Variants in LILRB1 observed in about 807,000 individuals in gnomAD.
LILRB1 encodes leukocyte immunoglobulin like receptor B1, also known as leukocyte immunoglobulin-like receptor subfamily B member 1.
Under a neutral mutation model 74.6 loss-of-function variants are expected in LILRB1, and 59 were observed. The ratio of observed to expected loss-of-function variants is 0.79; its 90% CI spans 0.64 to 0.98. The LOEUF is 0.98. Ranked by LOEUF, LILRB1 falls within the 50% of genes least tolerant of loss-of-function variation. The pLI is 0.00. For synonymous variants in LILRB1, 328 were observed against 333.9 expected (o/e 0.98, Z 0.19); for missense variants, 804 against 822.6 (o/e 0.98, Z 0.28).
rs569095555 is a variant in LILRB1, at chr19:54,620,885, T to C, written c.-166+3536T>C. 3.9e-5 allele frequency among the ~76,000 whole-genome samples: 6 copies of C among 152,276 alleles called. No homozygotes were observed. In the East Asian group the frequency reaches 1.2e-3, roughly 29 times the overall value. On this transcript the variant is annotated intron_variant, in intron 1 of 15. Transcript: ENST00000396331. ...TCTTATTTATTTATTTATTTTTTAT[T>C]TTTTGAGATGGAGTTTCATTCTTGT...
chr19:54,633,244 G>A lies in LILRB1; in HGVS notation c.1187G>A (p.Arg396Lys), dbSNP rs112550263. The A allele has an allele frequency of 7.4e-6, 12 of 1,614,130 alleles. No homozygotes were observed. The highest frequency in any genetic ancestry group is 4.0e-5 in the African/African-American group (3 of 75,032). The change falls in exon 7 of 15, where the codon AGG becomes AAG. Residue 396 changes from arginine to lysine, a missense_variant. Transcript: ENST00000324602. ...PVTSAHAGTY[R>K]CYGSQSSKPY... is the part of the protein sequence containing the mutation. ...ACCTCAGCCCATGCGGGGACCTACA[G>A]GTGCTACGGCTCACAGAGCTCCAAA...
rs201049465 is a variant in LILRB1 at position 54,632,613 on chromosome 19, G to A, written c.811G>A (p.Ala271Thr). 377 of 1,613,104 alleles carry A rather than the reference G, an allele frequency of 2.3e-4. No individual in the cohort carries two copies. Among genetic ancestry groups the A allele is most frequent in the Non-Finnish European group, 2.8e-4 (334 of 1,179,796 alleles). The change falls in exon 6 of 15, where the codon GCA (alanine) becomes ACA (threonine). Residue 271 changes from alanine (A) to threonine (T), a missense_variant. By Grantham distance (58) the Ala-to-Thr change is moderately conservative. Coordinates refer to ENST00000324602, the MANE Select transcript of LILRB1 (RefSeq NM_001081637.3). ...GERDFLQLAG[A>T]QPQAGLSQAN... is the part of the protein sequence containing the mutation. The stretch of plus-strand genomic sequence containing the variant: ...ACGTGACTTCCTTCAGCTCGCTGGC[G>A]CACAGCCCCAGGCTGGGCTCTCCCA...
At chr19:54,618,108 A>AAAAAAAAAG (rs2063358605) in intron 1 of LILRB1, among the ~76,000 whole-genome samples, 1 of 149,462 alleles carries the variant, frequency 6.7e-6, no homozygotes, top group East Asian at 1.9e-4. Context: ...CTCAAAAAAA[A>AAAAAAAAAG]AAAAAAAGAA....
intron 13 of LILRB1, chr19:54,636,053 T>C (rs35869117): frequency 2.3e-4 from 100 of 438,546 alleles, no homozygotes; most frequent in Admixed American, 6.0e-4. Flanking sequence ...CAAATAAATG[T>C]GCCGCCTCCA....
At chr19:54,617,553 C>CTGCGTGTGTG (rs1555789265) in intron 1 of LILRB1, among the ~76,000 whole-genome samples, 1 of 143,204 alleles carries the variant, frequency 7.0e-6, no homozygotes, top group Non-Finnish European at 1.5e-5. Context: ...TACAGGATGT[C>CTGCGTGTGTG]TGTGTGTGTG....
rs373596220 is a variant in LILRB1, at chr19:54,631,915, G to A, written c.359-20G>A. The A allele has an allele frequency of 2.5e-5, 41 of 1,610,598 alleles. No individual in the cohort carries two copies. Among genetic ancestry groups the A allele is most frequent in the East Asian group, 4.5e-5 (2 of 44,808 alleles). On this transcript the variant is annotated intron_variant, in intron 4 of 14. Coordinates refer to ENST00000324602, the MANE Select transcript of LILRB1 (RefSeq NM_001081637.3). ...GGGTGGTCTGAGCCACATTTAACAC[G>A]GTGCCTCCTTCTCTCCTAGGAGCCT...
upstream of LILRB1, among the ~76,000 whole-genome samples, chr19:54,628,944 G>C (rs1600339982): frequency 6.6e-6 from 1 of 152,308 alleles, no homozygotes. Flanking sequence ...GGAGCTATGA[G>C]CCAGGAACCG....
At chr19:54,623,874 G>A (rs1434620022) in intron 1 of LILRB1, among the ~76,000 whole-genome samples, 1 of 152,234 alleles carries the variant, frequency 6.6e-6, no homozygotes, top group East Asian at 1.9e-4. Context: ...CAGGGAGGGT[G>A]ACTGTAGAGC....
At chr19:54,619,996 T>A (rs2063413141) in intron 1 of LILRB1, among the ~76,000 whole-genome samples, 1 of 148,586 alleles carries the variant, frequency 6.7e-6, no homozygotes, top group Non-Finnish European at 1.5e-5. Flanking sequence ...TAAATTAAAA[T>A]AGTAGGAGTA....
intron 1 of LILRB1, among the ~76,000 whole-genome samples, chr19:54,619,808 T>A (rs760927111): frequency 1.4e-3 from 207 of 151,944 alleles, no homozygotes; most frequent in Non-Finnish European, 2.0e-3. Context: ...TTGTCTTTTT[T>A]AAAAAAAAGT....
chr19:54,632,843 G>T, intron 6 of LILRB1, 83 bp downstream of exon 6: 2 of 1,582,820 alleles, frequency 1.3e-6, no homozygotes, highest in Non-Finnish European at 8.6e-7. Context: ...TGGCCGGGAT[G>T]AGGGATGGGG....
Position 54,636,825 on chromosome 19 carries a change from G to C in LILRB1, c.1906G>C (p.Glu636Gln), listed in dbSNP as rs562284717. ...REATEPPPSQ[E>Q]GPSPAVPSIY... ...GGCAACTGAGCCTCCTCCATCCCAG[G>C]AAGGGCCCTCTCCAGCTGTGCCCAG... is the stretch of plus-strand genomic sequence containing the variant. The change falls in exon 15 of 15, where the codon GAA becomes CAA. Residue 636 changes from glutamate (E) to glutamine (Q), a missense_variant. Glu to Gln is a conservative substitution (Grantham distance 29). Coordinates refer to ENST00000324602, the MANE Select transcript of LILRB1 (RefSeq NM_001081637.3). 5 of 1,613,456 alleles carry C rather than the reference G, an allele frequency of 3.1e-6. No homozygotes were observed. Among genetic ancestry groups the C allele is most frequent in the Non-Finnish European group, 4.2e-6 (5 of 1,179,572 alleles).
chr19:54,623,934 A>C (rs1169981659), intron 1 of LILRB1, among the ~76,000 whole-genome samples: 16 of 152,316 alleles, frequency 1.1e-4, no homozygotes, highest in Non-Finnish European at 1.9e-4. Flanking sequence ...GAGCTTCTGC[A>C]GCAGGGTTTG....
chr19:54,618,952 C>T (rs868827283), intron 1 of LILRB1, among the ~76,000 whole-genome samples: 21 of 151,990 alleles, frequency 1.4e-4, no homozygotes, highest in African/African-American at 5.1e-4. Flanking sequence ...ACATAATTTA[C>T]AATCTAAAGT....
At chr19:54,629,361 A>G (rs1220714938), upstream of LILRB1, among the ~76,000 whole-genome samples, 1 of 151,936 alleles carries the variant, frequency 6.6e-6, no homozygotes, top group Non-Finnish European at 1.5e-5. Context: ...TTTTATTTTT[A>G]TTTTAAGTTA....
At chr19:54,630,410 G>C (rs1227494056), upstream of LILRB1, 1 of 276,144 alleles carries the variant, frequency 3.6e-6, no homozygotes, top group Non-Finnish European at 7.2e-6. Flanking sequence ...GAAGTTAAGA[G>C]GGGACTATTT....
At chr19:54,635,829 T>A in intron 13 of LILRB1, 1 of 707,428 alleles carries the variant, frequency 1.4e-6, no homozygotes, top group Admixed American at 2.0e-5. Flanking sequence ...TCATCCTCTG[T>A]TTGGCCGTCT....
chr19:54,635,371 G>T (rs2064305741), intron 12 of LILRB1, 75 bp downstream of exon 12: 8 of 1,586,802 alleles, frequency 5.0e-6, no homozygotes, highest in African/African-American at 2.7e-5. Flanking sequence ...GGGGAAAGGG[G>T]CGCTGGCTGG....
chr19:54,631,462 G>C (rs778808218), intron 3 of LILRB1, 38 bp from the exon 4 acceptor site: 1 of 1,598,438 alleles, frequency 6.3e-7, no homozygotes, highest in Admixed American at 1.7e-5. Flanking sequence ...GGGTTGGGTG[G>C]GAAATGAGTT....
Sources: allele counts gnomAD v4.1 joint callset (sites outside exome capture counted in the v4.1 genomes callset), GRCh38; gene constraint gnomAD v4.1.1; transcripts MANE v1.5; gene names NCBI Gene and HGNC (gene_info 2026-07-23, HGNC 2026-07-21).